PCDHGB5: variants seen among roughly 807,000 people sequenced by gnomAD.
The protein encoded by PCDHGB5 is protocadherin gamma-B5.
In PCDHGB5, 48 loss-of-function variants were observed where a neutral mutation model predicts 62.9. That is an observed-to-expected ratio of 0.76 (90% CI 0.61 to 0.97). PCDHGB5 has a LOEUF of 0.97. Among genes scored for constraint, PCDHGB5 ranks in the 50% least tolerant of loss-of-function variants. The probability of loss-of-function intolerance (pLI) is 0.00; values close to 1 mark genes in which losing one functional copy is unlikely to be tolerated. For missense variants in PCDHGB5, 1,118 were observed against 1,198.6 expected, an observed-to-expected ratio of 0.93 and a Z score of 0.99; for synonymous variants, 474 against 511.2, an observed-to-expected ratio of 0.93 and a Z score of 0.98.
At chr5:141,403,638 A>C in intron 1 of PCDHGB5, 1 of 1,613,906 alleles carries the variant, frequency 6.2e-7, no homozygotes, top group East Asian at 2.2e-5. Context: ...GTGCGCATCC[A>C]TGTGACAGTG....
intron 1 of PCDHGB5, chr5:141,478,619 A>G: frequency 6.4e-7 from 1 of 1,555,598 alleles, no homozygotes; most frequent in Non-Finnish European, 8.7e-7. Context: ...GAAGGAATGG[A>G]GCTGTTTTTT....
intron 1 of PCDHGB5, chr5:141,419,779 GC>G: frequency 1.2e-6 from 2 of 1,614,064 alleles, no homozygotes; most frequent in African/African-American, 2.7e-5. Context: ...CGGTCCGCCA[GC>G]GCCTGCTAGT....
At chr5:141,471,660 A>G (rs1010236543) in intron 1 of PCDHGB5, 12 of 152,184 alleles carry the variant, frequency 7.9e-5, no homozygotes, top group Non-Finnish European at 1.8e-4. Flanking sequence ...GTGGGGATGC[A>G]GAAAAAAATA....
chr5:141,471,879 G>A (rs1027572395), intron 1 of PCDHGB5, among the ~76,000 whole-genome samples: 7 of 152,218 alleles, frequency 4.6e-5, no homozygotes, highest in African/African-American at 1.7e-4. Context: ...GCCTGAGGCT[G>A]AAGCTAGGAA....
rs980944782 is a variant in PCDHGB5 at position 141,487,625 on chromosome 5, T to C, written c.2398-7182T>C. On this transcript the variant is annotated intron_variant, in intron 1 of 3. Coordinates refer to ENST00000617380, the MANE Select transcript of PCDHGB5 (RefSeq NM_018925.3). This position sits in a 1 kb window ranked among gnomAD's most constrained non-coding sequence, Gnocchi z 5.0. ...TCTCTATGGGCTAGAGGTGAGACCT[T>C]TGCAGGCTCAACAAATGCTTGAGGG... 4 of 1,614,090 alleles carry C rather than the reference T, an allele frequency of 2.5e-6. No homozygotes were observed. Among genetic ancestry groups the C allele is most frequent in the Admixed American group, 3.3e-5 (2 of 60,004 alleles).
intron 1 of PCDHGB5, chr5:141,408,721 C>T (rs994778084): frequency 6.2e-7 from 1 of 1,611,372 alleles, no homozygotes; most frequent in Non-Finnish European, 8.5e-7. Flanking sequence ...ATAAGATAAA[C>T]TCTAATCCTT....
Position 141,429,441 on chromosome 5 carries a change from T to C in PCDHGB5, c.2397+28917T>C, listed in dbSNP as rs541676798. On this transcript the variant is annotated intron_variant, in intron 1 of 3. Transcript: ENST00000617380. ...TGTTGCCCAGGCTGGACTCAAACTCTTGGGCTACAGTAATCCTCCCACCTC... is the reference window on the plus strand; with the variant it reads ...TGTTGCCCAGGCTGGACTCAAACTCCTGGGCTACAGTAATCCTCCCACCTC... 1.5e-4 allele frequency among the ~76,000 whole-genome samples: 23 copies of C among 152,170 alleles called. No individual in the cohort carries two copies. The South Asian group carries it at 4.6e-3, about 30-fold the overall frequency.
At chr5:141,420,245 G>A (rs72790042) in intron 1 of PCDHGB5, 83,459 of 1,583,130 alleles carry the variant, frequency 0.053, 2,452 homozygotes, top group African/African-American at 0.1. Context: ...AACTCCCAGC[G>A]TTGAAGCAGA....
chr5:141,420,186 C>A, intron 1 of PCDHGB5: 1 of 1,613,696 alleles, frequency 6.2e-7, no homozygotes, highest in Non-Finnish European at 8.5e-7. Context: ...CATTGTCCAG[C>A]CACACAAGAT....
chr5:141,434,564 A>C (rs2097703207), intron 1 of PCDHGB5, among the ~76,000 whole-genome samples: 1 of 152,228 alleles, frequency 6.6e-6, no homozygotes, highest in Admixed American at 6.5e-5. Context: ...CCTTAAGGAC[A>C]TGCCCCTGCT....
chr5:141,436,035 A>G (rs957896521), intron 1 of PCDHGB5, among the ~76,000 whole-genome samples: 3 of 152,178 alleles, frequency 2.0e-5, no homozygotes, highest in Non-Finnish European at 4.4e-5. Flanking sequence ...CTAAATTTGT[A>G]TTTACATTAG....
rs772255343 is a variant in PCDHGB5, at chr5:141,432,272, G to C, written c.2397+31748G>C. On this transcript the variant is annotated intron_variant, in intron 1 of 3. Coordinates refer to ENST00000617380, the MANE Select transcript of PCDHGB5 (RefSeq NM_018925.3). This position sits in a 1 kb window ranked among gnomAD's most constrained non-coding sequence, Gnocchi z 6.0. ...CCAAGGGGCAAGCCTATCGTCCTAC[G>C]TGTCCATCAACTCCGACACTGGGGT... The C allele has an allele frequency of 3.1e-6, 5 of 1,614,210 alleles. No individual in the cohort carries two copies. Among genetic ancestry groups the C allele is most frequent in the Non-Finnish European group, 4.2e-6 (5 of 1,180,042 alleles).
At position 141,476,902 on chromosome 5, in the gene PCDHGB5, C is replaced by T. The variant is rs1399250599; in HGVS notation, c.2398-17905C>T. ...TGGAGGATGCACCCTCCGGCACGCG[C>T]GTGGTACAAGTCCTTGCAACGGATC... On this transcript the variant is annotated intron_variant, in intron 1 of 3. Transcript: ENST00000617380. This position sits in a 1 kb window ranked among gnomAD's most constrained non-coding sequence, Gnocchi z 7.6. 2 of 1,613,998 alleles carry T rather than the reference C, an allele frequency of 1.2e-6. No individual in the cohort carries two copies. The highest frequency in any genetic ancestry group is 1.7e-6 in the Non-Finnish European group (2 of 1,180,034).
At chr5:141,418,000 G>A (rs758811293) in intron 1 of PCDHGB5, 6 of 1,613,902 alleles carry the variant, frequency 3.7e-6, no homozygotes, top group Admixed American at 1.7e-5. Context: ...GCTCGGTGGT[G>A]GGGAACCTCG....
chr5:141,414,134 A>G, intron 1 of PCDHGB5: 1 of 1,595,028 alleles, frequency 6.3e-7, no homozygotes, highest in Non-Finnish European at 8.5e-7. Flanking sequence ...GGTTTCTATG[A>G]AATAGAAATA....
At chr5:141,469,191 G>A (rs1431459571) in intron 1 of PCDHGB5, among the ~76,000 whole-genome samples, 1 of 151,882 alleles carries the variant, frequency 6.6e-6, no homozygotes, top group Admixed American at 6.6e-5. Flanking sequence ...CAAGAGGATT[G>A]CTTGAGCCTT....
chr5:141,432,908 C>G lies in PCDHGB5; in HGVS notation c.2397+32384C>G, dbSNP rs757934634. 6.2e-7 allele frequency: 1 copy of G among 1,614,168 alleles called. No homozygotes were observed. Reference sequence around the variant, plus strand: ...CATCTTGCTGCTGGCGCTCAGGCTGCGGCGCTGGCACAAGTCACGCCTGCT... The same window carrying G: ...CATCTTGCTGCTGGCGCTCAGGCTGGGGCGCTGGCACAAGTCACGCCTGCT... On this transcript the variant is annotated intron_variant, in intron 1 of 3. Transcript: ENST00000617380. This position sits in a 1 kb window ranked among gnomAD's most constrained non-coding sequence, Gnocchi z 6.0.
At chr5:141,421,967 T>C (rs760789458) in intron 1 of PCDHGB5, 2 of 1,611,174 alleles carry the variant, frequency 1.2e-6, no homozygotes, top group Admixed American at 3.4e-5. Flanking sequence ...ACACAGTCCG[T>C]ATATCGCGTG....
intron 1 of PCDHGB5, chr5:141,427,017 TAC>T (rs764268354): frequency 2.2e-5 from 10 of 456,792 alleles, no homozygotes; most frequent in South Asian, 1.4e-4. Context: ...CCAGGATGTA[TAC>T]AAAGTCAGCC....
Sources: gnomAD v4.1 joint callset for allele counts (sites outside exome capture counted in the v4.1 genomes callset) on GRCh38, gnomAD v4.1.1 for gene constraint, Gnocchi (gnomAD v3.1) non-coding constraint, MANE v1.5 for transcripts, NCBI Gene and HGNC (gene_info 2026-07-23, HGNC 2026-07-21) for gene names.